Variants in PAK1 observed in about 807,000 individuals in gnomAD.
PAK1 encodes p21 (RAC1) activated kinase 1, also known as serine/threonine-protein kinase PAK 1.
A neutral mutation model predicts 67.4 loss-of-function variants in PAK1; 29 were observed. That is an observed-to-expected ratio of 0.43 (90% CI 0.32 to 0.59). The LOEUF is 0.59. PAK1 is among the 20% of genes least tolerant of loss of function. PAK1 has a pLI of 0.07. For synonymous variants in PAK1, 223 were observed against 237.4 expected (o/e 0.94, Z 0.56); for missense variants, 337 against 670.7 (o/e 0.50, Z 5.50).
chr11:77,396,854 C>A (rs867006767), intron 1 of PAK1, among the ~76,000 whole-genome samples: 3 of 152,176 alleles, frequency 2.0e-5, no homozygotes, highest in Admixed American at 6.5e-5. Context: ...AGGTTCTCCA[C>A]AAGTCTTTCC....
the PAK1 span, among the ~76,000 whole-genome samples, chr11:77,515,440 C>T: frequency 2.0e-5 from 3 of 152,192 alleles, no homozygotes; most frequent in Admixed American, 1.3e-4. Context: ...CAGTAAACCC[C>T]GTGCATGATT....
chr11:77,529,007 C>T, the PAK1 span, among the ~76,000 whole-genome samples: 1 of 152,134 alleles, frequency 6.6e-6, no homozygotes, highest in South Asian at 2.1e-4. Flanking sequence ...CTATCTATTG[C>T]AAAGTTTCTT....
At chr11:77,469,862 T>C (rs564049649) in intron 1 of PAK1, among the ~76,000 whole-genome samples, 2 of 152,308 alleles carry the variant, frequency 1.3e-5, no homozygotes, top group South Asian at 4.1e-4. Context: ...TACATATTTA[T>C]GATATTTTGA....
chr11:77,440,496 T>C (rs1012199430), intron 1 of PAK1, among the ~76,000 whole-genome samples: 3 of 152,200 alleles, frequency 2.0e-5, no homozygotes, highest in Non-Finnish European at 2.9e-5. Context: ...GCAATCCTAA[T>C]TTATAAATGA....
intron 1 of PAK1, among the ~76,000 whole-genome samples, chr11:77,435,445 A>T (rs1956077408): frequency 1.3e-5 from 2 of 151,874 alleles, no homozygotes; most frequent in Non-Finnish European, 2.9e-5. Flanking sequence ...AAGAAAACAG[A>T]CATGGAAGTG....
At chr11:77,502,057 A>G in the PAK1 span, among the ~76,000 whole-genome samples, 11 of 118,970 alleles carry the variant, frequency 9.2e-5, 1 homozygote, top group African/African-American at 1.8e-4. Context: ...TCCTTATGAC[A>G]TATATTGGCG....
chr11:77,413,143 G>C (rs1203290922), intron 1 of PAK1, among the ~76,000 whole-genome samples: 1 of 152,188 alleles, frequency 6.6e-6, no homozygotes, highest in Non-Finnish European at 1.5e-5. Flanking sequence ...TTAGGAGTTA[G>C]GCTTTTGTTC....
rs1036041813 is a variant in PAK1 at position 77,343,851 on chromosome 11, G to A, written c.966C>T (p.Asn322=). 6.2e-7 allele frequency: 1 copy of A among 1,612,380 alleles called. No homozygotes were observed. Among genetic ancestry groups the A allele is most frequent in the Non-Finnish European group, 8.5e-7 (1 of 1,178,490 alleles). Residue 322 remains asparagine, a synonymous_variant, in exon 10 of 15, where the codon AAC becomes AAT. Transcript: ENST00000356341. ...AGTAATTCACAATGTTTGGGTTCTT[G>A]TTTTCCCTCATGACCAGGATCTCAT... ...IINEILVMRE[N]KNPNIVNYLD...
intron 1 of PAK1, chr11:77,473,340 A>T (rs907415649): frequency 1.1e-4 from 16 of 152,226 alleles, no homozygotes; most frequent in Admixed American, 2.6e-4. Context: ...CCCCGCCGGT[A>T]CGCGCACAGG....
chr11:77,374,160 C>T (rs867582115), intron 5 of PAK1, among the ~76,000 whole-genome samples, 168 bp downstream of exon 5: 2 of 152,046 alleles, frequency 1.3e-5, no homozygotes, highest in African/African-American at 2.4e-5. Flanking sequence ...AGGGATACCC[C>T]CTATTTATTA....
intron 8 of PAK1, among the ~76,000 whole-genome samples, chr11:77,350,303 T>A (rs1160253601): frequency 6.6e-6 from 1 of 152,130 alleles, no homozygotes; most frequent in Non-Finnish European, 1.5e-5. Flanking sequence ...GATCTGAGGG[T>A]ACCTCTGCCC....
chr11:77,464,095 T>C (rs1460692044), intron 1 of PAK1, among the ~76,000 whole-genome samples: 1 of 152,230 alleles, frequency 6.6e-6, no homozygotes, highest in East Asian at 1.9e-4. Context: ...CAAACTCTGG[T>C]ATGTATTTTA....
At chr11:77,500,006 G>C in the PAK1 span, among the ~76,000 whole-genome samples, 1 of 152,106 alleles carries the variant, frequency 6.6e-6, no homozygotes, top group African/African-American at 2.4e-5. Context: ...CTGAACACAC[G>C]CATCTGAGAT....
the PAK1 span, among the ~76,000 whole-genome samples, chr11:77,518,459 T>C: frequency 4.3e-4 from 65 of 152,310 alleles, no homozygotes; most frequent in Middle Eastern, 3.4e-3. Flanking sequence ...ACAAAAGTTG[T>C]ATCTACTTAC....
intron 1 of PAK1, among the ~76,000 whole-genome samples, chr11:77,397,887 T>C (rs2137594329): frequency 6.6e-6 from 1 of 152,348 alleles, no homozygotes; most frequent in African/African-American, 2.4e-5. Context: ...CACAGCAATT[T>C]ATAGGTAGAG....
At chr11:77,419,864 T>C (rs1955164983) in intron 1 of PAK1, among the ~76,000 whole-genome samples, 1 of 152,178 alleles carries the variant, frequency 6.6e-6, no homozygotes, top group Non-Finnish European at 1.5e-5. Context: ...CTTTCAGTAA[T>C]GATGATCTAG....
chr11:77,374,323 C>T lies in PAK1; in HGVS notation c.477+5G>A, dbSNP rs1250951428. The T allele has an allele frequency of 6.4e-7, 1 of 1,571,542 alleles. No individual in the cohort carries two copies. The highest frequency in any genetic ancestry group is 8.8e-7 in the Non-Finnish European group (1 of 1,141,444). On this transcript the variant is annotated splice_donor_5th_base_variant and intron_variant, in intron 5 of 14. Coordinates refer to ENST00000356341, the MANE Select transcript of PAK1 (RefSeq NM_002576.5). ...CACATCAAAATAGAGTAAATAAAGA[C>T]TTACCAAGGCATTAGAAGAATTGTA...
rs1368727961 is a variant in PAK1 at position 77,355,721 on chromosome 11, T to C, written c.719A>G (p.Glu240Gly). The C allele has an allele frequency of 9.3e-6, 15 of 1,613,494 alleles. No homozygotes were observed. The highest frequency in any genetic ancestry group is 1.1e-5 in the Non-Finnish European group (13 of 1,179,558). Residue 240 changes from glutamate to glycine, a missense_variant, in exon 7 of 15, where the codon GAG (glutamate) becomes GGG (glycine). This residue lies in a region of PAK1 where 150 missense variants were observed against 179.0 expected (regional missense o/e 0.84). Coordinates refer to ENST00000356341, the MANE Select transcript of PAK1 (RefSeq NM_002576.5). Reference protein sequence around the residue: ...TPPDALTRNTEKQKKKPKMSD... With the variant: ...TPPDALTRNTGKQKKKPKMSD... ...CATTTTAGGCTTCTTCTTCTGCTTC[T>C]CAGTATTCCGGGTCAAAGCATCTGG...
At chr11:77,438,300 G>A (rs1956215542) in intron 1 of PAK1, among the ~76,000 whole-genome samples, 1 of 152,116 alleles carries the variant, frequency 6.6e-6, no homozygotes, top group South Asian at 2.1e-4. Context: ...CATGAGAACA[G>A]CACCAAGGGG....
Sources: gnomAD v4.1 joint callset for allele counts (sites outside exome capture counted in the v4.1 genomes callset) on GRCh38, gnomAD v4.1.1 for gene constraint, gnomAD v4.1.1 regional missense constraint, MANE v1.5 for transcripts, NCBI Gene and HGNC (gene_info 2026-07-23, HGNC 2026-07-21) for gene names.